Variants in NBAS observed in about 807,000 individuals in gnomAD.
NBAS encodes the protein NBAS subunit of NRZ tethering complex.
In NBAS, 219 loss-of-function variants were observed where a neutral mutation model predicts 302.5. The observed-to-expected ratio is 0.72, with a 90% CI of 0.65 to 0.81. The LOEUF (loss-of-function observed/expected upper bound fraction) is 0.81. Ranked by LOEUF, NBAS falls within the 30% of genes least tolerant of loss-of-function variation. NBAS has a pLI of 0.00. For synonymous variants in NBAS, 1,118 were observed against 1,021.6 expected (o/e 1.09, Z -1.80); for missense variants, 2,932 against 2,841.6 (o/e 1.03, Z -0.72).
chr2:15,228,870 T>C (rs1667253261), intron 47 of NBAS, among the ~76,000 whole-genome samples: 1 of 152,124 alleles, frequency 6.6e-6, no homozygotes, highest in South Asian at 2.1e-4. Flanking sequence ...AAAGTTACAG[T>C]TGGGCAGGAA....
the NBAS span, among the ~76,000 whole-genome samples, chr2:14,849,476 G>A: frequency 2.6e-5 from 4 of 151,810 alleles, no homozygotes; most frequent in East Asian, 3.9e-4. Context: ...AAAGTGATGC[G>A]GAGAATGGAA....
chr2:15,127,099 C>T, the NBAS span, among the ~76,000 whole-genome samples: 2 of 152,180 alleles, frequency 1.3e-5, no homozygotes, highest in Non-Finnish European at 2.9e-5. Flanking sequence ...CGGCCCCATG[C>T]TCAGAGGATC....
the NBAS span, among the ~76,000 whole-genome samples, chr2:15,120,484 T>TAAA: frequency 6.6e-6 from 1 of 151,750 alleles, no homozygotes; most frequent in African/African-American, 2.4e-5. Flanking sequence ...CACTCTGAAG[T>TAAA]AAATGCTTGC....
the NBAS span, among the ~76,000 whole-genome samples, chr2:14,847,097 T>TAGA: frequency 1.3e-5 from 2 of 151,958 alleles, no homozygotes; most frequent in East Asian, 3.9e-4. Context: ...AAGACAAACA[T>TAGA]AGACGGCCGG....
At chr2:14,967,755 C>T in the NBAS span, among the ~76,000 whole-genome samples, 3 of 152,076 alleles carry the variant, frequency 2.0e-5, no homozygotes, top group African/African-American at 7.2e-5. Context: ...GCAATATCAT[C>T]GACAAAGGTA....
At chr2:14,786,871 T>C in the NBAS span, among the ~76,000 whole-genome samples, 2 of 152,140 alleles carry the variant, frequency 1.3e-5, no homozygotes, top group Admixed American at 6.5e-5. Flanking sequence ...AATTCCTGGG[T>C]ATCCTTGTTA....
the NBAS span, among the ~76,000 whole-genome samples, chr2:14,854,535 T>C: frequency 1.8e-3 from 261 of 147,836 alleles, no homozygotes; most frequent in African/African-American, 6.5e-3. Flanking sequence ...GCTGAAGAGA[T>C]AAAATTAAAA....
At chr2:14,865,264 C>A in the NBAS span, among the ~76,000 whole-genome samples, 40,307 of 151,454 alleles carry the variant, frequency 0.27, 8,303 homozygotes, top group African/African-American at 0.58. Context: ...AAATTATAAA[C>A]CTTTGTATCA....
chr2:15,176,720 A>C (rs1664557411), intron 51 of NBAS, among the ~76,000 whole-genome samples: 1 of 152,270 alleles, frequency 6.6e-6, no homozygotes, highest in South Asian at 2.1e-4. Context: ...TTTCCTTTGA[A>C]TGTCATGTTG....
At chr2:15,103,512 A>G in the NBAS span, among the ~76,000 whole-genome samples, 1 of 152,134 alleles carries the variant, frequency 6.6e-6, no homozygotes, top group Non-Finnish European at 1.5e-5. Flanking sequence ...AATGCCTTCA[A>G]TTTGGGTAAT....
the NBAS span, among the ~76,000 whole-genome samples, chr2:15,126,089 A>G: frequency 5.3e-5 from 8 of 152,186 alleles, no homozygotes; most frequent in African/African-American, 1.9e-4. Context: ...CAGATCCCTC[A>G]TGAATGACTT....
chr2:14,957,417 A>G, the NBAS span, among the ~76,000 whole-genome samples: 1 of 152,178 alleles, frequency 6.6e-6, no homozygotes, highest in African/African-American at 2.4e-5. Flanking sequence ...TTTAGCTTTA[A>G]CATAGAATTT....
the NBAS span, among the ~76,000 whole-genome samples, chr2:14,901,931 T>G: frequency 6.6e-6 from 1 of 152,320 alleles, no homozygotes; most frequent in African/African-American, 2.4e-5. Context: ...AGCAGTGACA[T>G]GCTTGGAAAC....
intron 21 of NBAS, among the ~76,000 whole-genome samples, chr2:15,458,339 T>TC (rs1200558324): frequency 6.6e-6 from 1 of 152,168 alleles, no homozygotes; most frequent in Non-Finnish European, 1.5e-5. Context: ...AGATGTTTTT[T>TC]CCCACCAAAT....
intron 38 of NBAS, among the ~76,000 whole-genome samples, chr2:15,327,231 G>A (rs1392186760): frequency 1.3e-5 from 2 of 152,088 alleles, no homozygotes; most frequent in African/African-American, 4.8e-5. Flanking sequence ...GAGAGAGGGG[G>A]AATTCAAAGG....
At chr2:15,445,904 G>A (rs1289831965) in intron 21 of NBAS, among the ~76,000 whole-genome samples, 3 of 90,830 alleles carry the variant, frequency 3.3e-5, no homozygotes, top group Admixed American at 1.1e-4. Context: ...ACATAGTCTC[G>A]GAGATTAAAA....
the NBAS span, among the ~76,000 whole-genome samples, chr2:14,842,785 A>T: frequency 2.0e-5 from 3 of 152,024 alleles, no homozygotes; most frequent in Admixed American, 6.5e-5. Flanking sequence ...GAAGAGGAAG[A>T]AATACTTCCA....
the NBAS span, among the ~76,000 whole-genome samples, chr2:15,023,338 G>A: frequency 6.6e-6 from 1 of 151,932 alleles, no homozygotes; most frequent in African/African-American, 2.4e-5. Context: ...TGCTCACTTT[G>A]TTTTTCTTTG....
At chr2:14,873,297 A>G in the NBAS span, among the ~76,000 whole-genome samples, 1 of 152,176 alleles carries the variant, frequency 6.6e-6, no homozygotes, top group African/African-American at 2.4e-5. Flanking sequence ...AAGTTCTCCA[A>G]GTCCCCACCC....
Sources: allele counts gnomAD v4.1 joint callset (sites outside exome capture counted in the v4.1 genomes callset), GRCh38; gene constraint gnomAD v4.1.1; transcripts MANE v1.5; gene names NCBI Gene and HGNC (gene_info 2026-07-23, HGNC 2026-07-21).